Variants in CSMD1 observed in about 807,000 individuals in gnomAD.
The protein encoded by CSMD1 is CUB and Sushi multiple domains 1.
A neutral mutation model predicts 417.5 loss-of-function variants in CSMD1; 213 were observed. The ratio of observed to expected loss-of-function variants is 0.51; its 90% CI spans 0.46 to 0.57. CSMD1 has a LOEUF of 0.57. Ranked by LOEUF, CSMD1 falls within the 20% of genes least tolerant of loss-of-function variation. CSMD1 has a pLI of 0.00. For synonymous variants in CSMD1, 2,862 were observed against 1,736.8 expected (o/e 1.65, Z -16.11); for missense variants, 6,923 against 4,529.7 (o/e 1.53, Z -15.17).
chr8:3,653,809 C>G (rs1260222143), intron 7 of CSMD1, among the ~76,000 whole-genome samples: 1 of 152,134 alleles, frequency 6.6e-6, no homozygotes, highest in East Asian at 1.9e-4. Context: ...AGTTTAATGA[C>G]CAATACATAT....
intron 3 of CSMD1, among the ~76,000 whole-genome samples, chr8:4,313,473 C>G (rs1027692302): frequency 6.7e-6 from 1 of 148,304 alleles, no homozygotes. Context: ...ATGCAGGAAC[C>G]CGAAGAGCTC....
At chr8:4,972,078 C>A (rs1280723346) in intron 1 of CSMD1, among the ~76,000 whole-genome samples, 20 of 151,980 alleles carry the variant, frequency 1.3e-4, no homozygotes, top group Non-Finnish European at 1.5e-5. Flanking sequence ...ATACCATACC[C>A]GTTTTCAAGT....
intron 8 of CSMD1, among the ~76,000 whole-genome samples, chr8:3,610,620 A>T (rs772479903): frequency 1.2e-4 from 19 of 152,214 alleles, no homozygotes; most frequent in African/African-American, 3.9e-4. Context: ...CTAAGCTACC[A>T]GTATAGATGA....
chr8:3,268,686 G>C (rs751594674), intron 26 of CSMD1, among the ~76,000 whole-genome samples: 54 of 152,272 alleles, frequency 3.5e-4, no homozygotes, highest in Middle Eastern at 3.4e-3. Flanking sequence ...AAGACATTGT[G>C]ATAATCCAGT....
At chr8:3,261,499 A>C (rs747114481) in intron 26 of CSMD1, among the ~76,000 whole-genome samples, 1 of 151,698 alleles carries the variant, frequency 6.6e-6, no homozygotes, top group South Asian at 2.1e-4. Context: ...CCTGAACCCC[A>C]AAAACTTACA....
intron 12 of CSMD1, among the ~76,000 whole-genome samples, chr8:3,464,712 T>C (rs1272529399): frequency 3.3e-5 from 5 of 151,784 alleles, no homozygotes; most frequent in African/African-American, 1.2e-4. Context: ...TCATATAGAG[T>C]TTGCTTATGA....
intron 1 of CSMD1, among the ~76,000 whole-genome samples, chr8:4,985,369 A>AAAT (rs983538448): frequency 9.2e-5 from 14 of 151,678 alleles, no homozygotes; most frequent in African/African-American, 2.9e-4. Context: ...CTGGAACTTA[A>AAAT]AAGTTTTTTT....
At chr8:3,835,773 G>A (rs969155004) in intron 5 of CSMD1, among the ~76,000 whole-genome samples, 3 of 151,360 alleles carry the variant, frequency 2.0e-5, no homozygotes, top group African/African-American at 7.3e-5. Flanking sequence ...CCACCATTTG[G>A]CTAACTCTGG....
rs1797675054 is a variant in CSMD1 at position 4,547,152 on chromosome 8, CTGT to C, written c.302+90187_302+90189del. ...TTTCTAAATTATTTCATCAGACCTGCTGTTTTCTGTCTCTATCCCAACCCGTCC... is the reference window on the plus strand; with the variant it reads ...TTTCTAAATTATTTCATCAGACCTGCTTTCTGTCTCTATCCCAACCCGTCC... On this transcript the variant is annotated intron_variant, in intron 2 of 69. Transcript: ENST00000635120. 3.9e-5 allele frequency among the ~76,000 whole-genome samples: 6 copies of C among 152,254 alleles called. No individual in the cohort carries two copies. The South Asian group carries it at 1.2e-3, about 32-fold the overall frequency.
chr8:4,564,953 G>C (rs886207772), intron 2 of CSMD1, among the ~76,000 whole-genome samples: 3 of 152,056 alleles, frequency 2.0e-5, no homozygotes. Flanking sequence ...ATGAATTTTT[G>C]TGCTCAAAAG....
At chr8:3,766,839 G>A (rs1387739242) in intron 5 of CSMD1, among the ~76,000 whole-genome samples, 2 of 152,094 alleles carry the variant, frequency 1.3e-5, no homozygotes, top group Non-Finnish European at 2.9e-5. Flanking sequence ...AGCCTGAAAT[G>A]AGTCTACCAT....
chr8:3,828,089 C>T (rs144350741), intron 5 of CSMD1, among the ~76,000 whole-genome samples: 5 of 152,318 alleles, frequency 3.3e-5, no homozygotes, highest in Admixed American at 6.5e-5. Flanking sequence ...AGCTTAATTA[C>T]ATCCTATACA....
intron 2 of CSMD1, among the ~76,000 whole-genome samples, chr8:4,568,302 C>G (rs751482390): frequency 6.6e-6 from 1 of 152,044 alleles, no homozygotes; most frequent in Non-Finnish European, 1.5e-5. Context: ...CCCGAAAGGC[C>G]CGTCTATGAT....
chr8:4,049,457 A>T (rs1037117275), intron 3 of CSMD1, among the ~76,000 whole-genome samples: 2 of 151,598 alleles, frequency 1.3e-5, no homozygotes, highest in Non-Finnish European at 2.9e-5. Flanking sequence ...GATGTCACCC[A>T]GTCCCTGGCA....
intron 1 of CSMD1, among the ~76,000 whole-genome samples, chr8:4,667,909 T>C (rs1002681422): frequency 6.6e-6 from 1 of 152,208 alleles, no homozygotes; most frequent in Non-Finnish European, 1.5e-5. Flanking sequence ...GTGGTTAGAG[T>C]GGCCATCTTT....
intron 18 of CSMD1, among the ~76,000 whole-genome samples, chr8:3,374,715 T>A (rs1475819683): frequency 4.6e-5 from 7 of 152,102 alleles, no homozygotes; most frequent in Non-Finnish European, 8.8e-5. Context: ...AGACAGGCTG[T>A]CTGCTGAGGT....
chr8:4,680,079 T>G (rs1805943357), intron 1 of CSMD1, among the ~76,000 whole-genome samples: 1 of 152,184 alleles, frequency 6.6e-6, no homozygotes, highest in African/African-American at 2.4e-5. Flanking sequence ...ATTAACATGA[T>G]TTAAATATAT....
Position 4,835,295 on chromosome 8 carries a change from T to C in CSMD1, c.85+159037A>G, listed in dbSNP as rs183935763. Among the ~76,000 whole-genome samples the C allele has an allele frequency of 2.3e-3, 347 of 152,206 alleles. 1 individual carries two copies. The highest frequency in any genetic ancestry group is 8.1e-3 in the African/African-American group (335 of 41,534). On this transcript the variant is annotated intron_variant, in intron 1 of 69. Transcript: ENST00000635120. ...TTACAATACAAACATCGTCGGAGAT[T>C]ACGTTTGAAAAGAGTGGAGACAGGT...
intron 1 of CSMD1, among the ~76,000 whole-genome samples, chr8:4,862,401 T>G (rs1382942845): frequency 6.6e-6 from 1 of 152,102 alleles, no homozygotes; most frequent in Non-Finnish European, 1.5e-5. Context: ...AAAGAATCAC[T>G]GTAGCTGTGA....
Sources: allele counts gnomAD v4.1 joint callset (sites outside exome capture counted in the v4.1 genomes callset), GRCh38; gene constraint gnomAD v4.1.1; transcripts MANE v1.5; gene names NCBI Gene and HGNC (gene_info 2026-07-23, HGNC 2026-07-21).